NCAM2: variants seen among roughly 807,000 people sequenced by gnomAD.
The protein encoded by NCAM2 is neural cell adhesion molecule 2, also known as N-CAM-2.
In NCAM2, 30 loss-of-function variants were observed where a neutral mutation model predicts 98.1. The observed-to-expected ratio is 0.31, with a 90% confidence interval of 0.23 to 0.41. The LOEUF (loss-of-function observed/expected upper bound fraction) is 0.41, where lower values mean the gene tolerates loss of function less well. NCAM2 is among the 10% of genes least tolerant of loss of function. The pLI is 1.00. For missense variants in NCAM2, 867 were observed against 1,005.8 expected, an observed-to-expected ratio of 0.86 and a Z score of 1.87; for synonymous variants, 368 against 342.4, an observed-to-expected ratio of 1.07 and a Z score of -0.83.
At chr21:21,133,225 GAATT>G (rs1412251783) in intron 1 of NCAM2, among the ~76,000 whole-genome samples, 3 of 152,128 alleles carry the variant, frequency 2.0e-5, no homozygotes, top group Non-Finnish European at 4.4e-5. Flanking sequence ...AAAACATTCA[GAATT>G]GATTAGAATA....
rs534277893 is a variant in NCAM2 at position 21,042,026 on chromosome 21, C to G, written c.55+43408C>G. Among the ~76,000 whole-genome samples the G allele has an allele frequency of 7.9e-5, 12 of 152,228 alleles. No individual in the cohort carries two copies. The South Asian group carries it at 2.3e-3, about 29-fold the overall frequency. On this transcript the variant is annotated intron_variant, in intron 1 of 17. Coordinates refer to ENST00000400546, the MANE Select transcript of NCAM2 (RefSeq NM_004540.5). ...CGTTAATTTTAAGTGCAGTAGAACC[C>G]TTCCTAACATATTTTCATGTTTCTT...
chr21:21,472,772 T>G (rs1370575564), intron 14 of NCAM2, among the ~76,000 whole-genome samples: 1 of 151,922 alleles, frequency 6.6e-6, no homozygotes, highest in Admixed American at 6.6e-5. Flanking sequence ...TTATTTTGCC[T>G]TAAGTACTAT....
At chr21:21,363,502 A>G (rs1423272225) in intron 8 of NCAM2, among the ~76,000 whole-genome samples, 3 of 152,182 alleles carry the variant, frequency 2.0e-5, no homozygotes, top group Middle Eastern at 3.2e-3. Context: ...CATCATTTTT[A>G]TATCTTAGCA....
At chr21:21,485,944 C>G (rs537205739) in intron 15 of NCAM2, among the ~76,000 whole-genome samples, 1 of 152,184 alleles carries the variant, frequency 6.6e-6, no homozygotes, top group East Asian at 1.9e-4. Flanking sequence ...CTGTCAACTG[C>G]TATCCTTTCT....
chr21:21,062,197 G>GT (rs1399957398), intron 1 of NCAM2, among the ~76,000 whole-genome samples: 1 of 152,118 alleles, frequency 6.6e-6, no homozygotes, highest in Non-Finnish European at 1.5e-5. Context: ...TGGCATATAC[G>GT]TAAGTATAAA....
intron 12 of NCAM2, among the ~76,000 whole-genome samples, chr21:21,460,907 C>CTTA (rs1195689401): frequency 6.7e-6 from 1 of 149,808 alleles, no homozygotes; most frequent in East Asian, 2.0e-4. Flanking sequence ...ATTACAAAAC[C>CTTA]TTAACTCATC....
chr21:21,054,853 G>A (rs1281309819), intron 1 of NCAM2, among the ~76,000 whole-genome samples: 1 of 151,920 alleles, frequency 6.6e-6, no homozygotes, highest in Non-Finnish European at 1.5e-5. Context: ...TCTCAGTCCT[G>A]CAGAAAAGTC....
chr21:21,109,973 T>C (rs990272848), intron 1 of NCAM2, among the ~76,000 whole-genome samples: 1 of 152,224 alleles, frequency 6.6e-6, no homozygotes, highest in Non-Finnish European at 1.5e-5. Flanking sequence ...AATTCGAGTA[T>C]GTAATGTGTT....
At chr21:21,321,321 C>G (rs574646681) in intron 5 of NCAM2, among the ~76,000 whole-genome samples, 1 of 152,158 alleles carries the variant, frequency 6.6e-6, no homozygotes, top group African/African-American at 2.4e-5. Flanking sequence ...CAACCTTTAT[C>G]AGAGGCATAG....
At chr21:21,521,434 G>C (rs1486638856) in intron 16 of NCAM2, among the ~76,000 whole-genome samples, 2 of 152,156 alleles carry the variant, frequency 1.3e-5, no homozygotes, top group Non-Finnish European at 2.9e-5. Context: ...TGAAGAGAGA[G>C]GCAGCATTAG....
At chr21:21,394,420 C>G (rs2076450890) in intron 9 of NCAM2, among the ~76,000 whole-genome samples, 1 of 134,842 alleles carries the variant, frequency 7.4e-6, no homozygotes, top group Non-Finnish European at 1.6e-5. Flanking sequence ...GTGAGTGTTA[C>G]AGGTTATTTT....
intron 7 of NCAM2, 93 bp downstream of exon 7, chr21:21,335,758 C>A: frequency 9.8e-7 from 1 of 1,024,218 alleles, no homozygotes; most frequent in Non-Finnish European, 1.3e-6. Context: ...TTAAACTTTC[C>A]ATATTAAATC....
At chr21:21,082,379 A>T (rs1282937698) in intron 1 of NCAM2, among the ~76,000 whole-genome samples, 3 of 152,078 alleles carry the variant, frequency 2.0e-5, no homozygotes, top group Non-Finnish European at 4.4e-5. Flanking sequence ...TAATTAAAAA[A>T]AAAAGTTTTG....
At chr21:21,240,077 C>A (rs2071004663) in intron 1 of NCAM2, among the ~76,000 whole-genome samples, 1 of 152,042 alleles carries the variant, frequency 6.6e-6, no homozygotes, top group Admixed American at 6.6e-5. Context: ...TCTTCTGTTT[C>A]TTCTAGAAGA....
At chr21:21,186,051 G>A (rs1312020149) in intron 1 of NCAM2, among the ~76,000 whole-genome samples, 2 of 152,078 alleles carry the variant, frequency 1.3e-5, no homozygotes, top group African/African-American at 2.4e-5. Context: ...GTTATTTTCA[G>A]TCTGTGACAG....
intron 1 of NCAM2, among the ~76,000 whole-genome samples, chr21:21,130,427 T>C (rs571329251): frequency 8.9e-4 from 136 of 152,280 alleles, no homozygotes; most frequent in Non-Finnish European, 1.5e-3. Flanking sequence ...TGTTGAATAA[T>C]ATATAATGGT....
chr21:21,524,398 C>T (rs1989203166), intron 16 of NCAM2, among the ~76,000 whole-genome samples: 1 of 149,174 alleles, frequency 6.7e-6, no homozygotes, highest in African/African-American at 2.5e-5. Context: ...TAACGCTGCC[C>T]TATAAGGAAC....
chr21:21,303,575 A>G (rs1314301886), intron 5 of NCAM2, among the ~76,000 whole-genome samples: 3 of 152,188 alleles, frequency 2.0e-5, no homozygotes, highest in South Asian at 2.1e-4. Context: ...ATACATATTT[A>G]TATATTATCT....
chr21:21,255,093 C>G (rs1466873335), intron 1 of NCAM2, among the ~76,000 whole-genome samples: 1 of 151,992 alleles, frequency 6.6e-6, no homozygotes, highest in African/African-American at 2.4e-5. Context: ...ATAATATTAA[C>G]AATTTGGGAA....
Sources: allele counts gnomAD v4.1 joint callset (sites outside exome capture counted in the v4.1 genomes callset), GRCh38; gene constraint gnomAD v4.1.1; transcripts MANE v1.5; gene names NCBI Gene and HGNC (gene_info 2026-07-23, HGNC 2026-07-21).